PALM2AKAP2: variants seen among roughly 807,000 people sequenced by gnomAD.
PALM2AKAP2 encodes PALM2-AKAP2 fusion protein.
PALM2AKAP2 carries 37 observed loss-of-function variants against 71.5 expected under a neutral mutation model. The observed-to-expected ratio is 0.52, with a 90% CI of 0.40 to 0.68. The LOEUF is 0.68. Among genes scored for constraint, PALM2AKAP2 ranks in the 30% least tolerant of loss-of-function variants. The pLI, the probability that PALM2AKAP2 is intolerant of heterozygous loss-of-function variation, is 0.00. For missense variants in PALM2AKAP2, 1,224 were observed against 1,191.8 expected (o/e 1.03, Z -0.40); for synonymous variants, 468 against 478.8 (o/e 0.98, Z 0.29).
At chr9:109,878,887 G>T (rs1234658737) in intron 2 of PALM2AKAP2, among the ~76,000 whole-genome samples, 1 of 152,154 alleles carries the variant, frequency 6.6e-6, no homozygotes, top group Admixed American at 6.5e-5. Flanking sequence ...ACAGGCGCAT[G>T]CCATCACACC....
At chr9:110,102,127 G>T (rs544155968) in intron 1 of PALM2AKAP2, among the ~76,000 whole-genome samples, 1 of 152,334 alleles carries the variant, frequency 6.6e-6, no homozygotes, top group African/African-American at 2.4e-5. Context: ...TTTGAAACCA[G>T]TTTTTGATCT....
At chr9:109,867,971 C>T (rs1398974991) in intron 2 of PALM2AKAP2, among the ~76,000 whole-genome samples, 1 of 152,084 alleles carries the variant, frequency 6.6e-6, no homozygotes, top group Non-Finnish European at 1.5e-5. Context: ...TCTTTTTATT[C>T]ACTTAAAAAT....
intron 3 of PALM2AKAP2, among the ~76,000 whole-genome samples, chr9:109,902,443 C>T (rs191052210): frequency 6.6e-6 from 1 of 152,348 alleles, no homozygotes; most frequent in East Asian, 1.9e-4. Flanking sequence ...TTCATTATGA[C>T]GTCAATTCAG....
At chr9:110,152,244 GA>G (rs11375924) in intron 2 of PALM2AKAP2, among the ~76,000 whole-genome samples, 2 of 151,644 alleles carry the variant, frequency 1.3e-5, no homozygotes, top group Admixed American at 6.6e-5. Flanking sequence ...AAAAATGAAA[GA>G]AAAAAAAGTG....
At chr9:110,045,179 A>G (rs937212692), upstream of PALM2AKAP2, among the ~76,000 whole-genome samples, 1 of 152,092 alleles carries the variant, frequency 6.6e-6, no homozygotes, top group Non-Finnish European at 1.5e-5. Flanking sequence ...CTCTCCCCCT[A>G]AAAAAATTTC....
In PALM2AKAP2 at chr9:109,933,976, A is replaced by C. The variant is rs555840241; in HGVS notation, c.496+1948A>C. Among the ~76,000 whole-genome samples, 7 of 152,310 alleles carry C rather than the reference A, an allele frequency of 4.6e-5. No individual in the cohort carries two copies. The South Asian group carries it at 1.5e-3, about 32-fold the overall frequency. On this transcript the variant is annotated intron_variant, in intron 6 of 9. Transcript: ENST00000302798. ...TAGATACAGTCCATCTTGCTTTAGG[A>C]ATGTCCTTTTGGAAATTTATATAAC... is the stretch of plus-strand genomic sequence containing the variant.
chr9:109,700,567 T>A (rs1257702065), intron 1 of PALM2AKAP2, among the ~76,000 whole-genome samples: 1 of 152,232 alleles, frequency 6.6e-6, no homozygotes, highest in Non-Finnish European at 1.5e-5. Flanking sequence ...TAATGATTTC[T>A]TATGTCCTTC....
At chr9:109,967,201 G>A (rs1225806356) in intron 6 of PALM2AKAP2, among the ~76,000 whole-genome samples, 4 of 152,120 alleles carry the variant, frequency 2.6e-5, no homozygotes, top group South Asian at 2.1e-4. Flanking sequence ...GGCTGTCAGC[G>A]AGAACATCTC....
intron 1 of PALM2AKAP2, among the ~76,000 whole-genome samples, chr9:109,792,767 C>G (rs2118881813): frequency 6.6e-6 from 1 of 152,224 alleles, no homozygotes; most frequent in East Asian, 1.9e-4. Flanking sequence ...CTGCTCCAGC[C>G]TGGGTCGTCT....
intron 1 of PALM2AKAP2, among the ~76,000 whole-genome samples, chr9:109,820,516 G>T (rs2131487237): frequency 6.6e-6 from 1 of 152,314 alleles, no homozygotes; most frequent in East Asian, 1.9e-4. Context: ...ATTGTTCAGG[G>T]CCAACAGATC....
intron 1 of PALM2AKAP2, among the ~76,000 whole-genome samples, chr9:109,648,970 C>A (rs529263294): frequency 8.5e-4 from 129 of 152,248 alleles, no homozygotes; most frequent in Middle Eastern, 3.4e-3. Context: ...TGTGTTCTGG[C>A]ATTGACCCTT....
At chr9:109,743,623 G>T (rs1422396166) in intron 1 of PALM2AKAP2, among the ~76,000 whole-genome samples, 1 of 152,152 alleles carries the variant, frequency 6.6e-6, no homozygotes, top group Non-Finnish European at 1.5e-5. Context: ...AAGACCCCAG[G>T]ATGTCTATTT....
intron 1 of PALM2AKAP2, among the ~76,000 whole-genome samples, chr9:110,062,243 C>T (rs2118496025): frequency 6.6e-6 from 1 of 152,252 alleles, no homozygotes; most frequent in East Asian, 1.9e-4. Context: ...GATGCTCTCC[C>T]TCCCCACCCC....
intron 7 of PALM2AKAP2, among the ~76,000 whole-genome samples, chr9:110,038,500 A>G (rs1444400620): frequency 2.6e-5 from 4 of 152,118 alleles, no homozygotes; most frequent in Non-Finnish European, 4.4e-5. Context: ...GAGTTTGGAG[A>G]AATGACCACT....
At chr9:109,701,626 A>G (rs1222842559) in intron 1 of PALM2AKAP2, among the ~76,000 whole-genome samples, 1 of 152,256 alleles carries the variant, frequency 6.6e-6, no homozygotes, top group East Asian at 1.9e-4. Flanking sequence ...TGGTAGACCT[A>G]AAACCATAAA....
chr9:109,797,186 C>T (rs1827283900), intron 1 of PALM2AKAP2, among the ~76,000 whole-genome samples: 1 of 152,162 alleles, frequency 6.6e-6, no homozygotes, highest in Non-Finnish European at 1.5e-5. Flanking sequence ...TCTCTCTCAG[C>T]TGGGTTGTGT....
At chr9:109,905,665 T>C (rs1289109118) in intron 3 of PALM2AKAP2, among the ~76,000 whole-genome samples, 2 of 152,246 alleles carry the variant, frequency 1.3e-5, no homozygotes, top group Non-Finnish European at 2.9e-5. Flanking sequence ...AAGCCCCGTT[T>C]TGCTGCAGCC....
chr9:110,059,636 G>A (rs142706190), intron 1 of PALM2AKAP2, among the ~76,000 whole-genome samples: 18 of 152,312 alleles, frequency 1.2e-4, no homozygotes, highest in Non-Finnish European at 2.5e-4. Context: ...TGACCGGCCA[G>A]CTGCAGAACA....
intron 1 of PALM2AKAP2, among the ~76,000 whole-genome samples, chr9:110,061,066 C>A (rs946025589): frequency 2.0e-5 from 3 of 152,144 alleles, no homozygotes; most frequent in African/African-American, 7.2e-5. Context: ...TTCTAAAGTA[C>A]CTTGTCACGT....
Sources: gnomAD v4.1 joint callset for allele counts (sites outside exome capture counted in the v4.1 genomes callset) on GRCh38, gnomAD v4.1.1 for gene constraint, MANE v1.5 for transcripts, NCBI Gene and HGNC (gene_info 2026-07-23, HGNC 2026-07-21) for gene names.